HHAT: variants seen among roughly 807,000 people sequenced by gnomAD.
The protein encoded by HHAT is protein-cysteine N-palmitoyltransferase HHAT.
Under a neutral mutation model 70.8 loss-of-function variants are expected in HHAT, and 47 were observed. The observed-to-expected ratio is 0.66, with a 90% CI of 0.53 to 0.85. HHAT has a LOEUF of 0.85. Ranked by LOEUF, HHAT falls within the 40% of genes least tolerant of loss-of-function variation. The probability of loss-of-function intolerance (pLI) is 0.00; values close to 1 mark genes in which losing one functional copy is unlikely to be tolerated. For missense variants in HHAT, 609 were observed against 604.8 expected, an observed-to-expected ratio of 1.01 and a Z score of -0.07; for synonymous variants, 228 against 247.6, an observed-to-expected ratio of 0.92 and a Z score of 0.74.
intron 10 of HHAT, among the ~76,000 whole-genome samples, chr1:210,598,830 A>G (rs1573618331): frequency 6.6e-6 from 1 of 152,208 alleles, no homozygotes; most frequent in Non-Finnish European, 1.5e-5. Flanking sequence ...GTGAGTTTTT[A>G]TGTGTAGCTA....
At chr1:210,522,770 C>G (rs189216548) in intron 9 of HHAT, among the ~76,000 whole-genome samples, 118 of 151,866 alleles carry the variant, frequency 7.8e-4, no homozygotes, top group African/African-American at 2.8e-3. Context: ...TTGCCCCCCA[C>G]CCCCCAATCC....
intron 10 of HHAT, chr1:210,589,559 C>T (rs1661204557): frequency 6.6e-6 from 1 of 152,216 alleles, no homozygotes; most frequent in African/African-American, 2.4e-5. Context: ...TCTTTTCAGC[C>T]CAGTCTGTAG....
chr1:210,531,212 CT>C (rs2095311249), intron 9 of HHAT, among the ~76,000 whole-genome samples: 1 of 152,202 alleles, frequency 6.6e-6, no homozygotes, highest in Non-Finnish European at 1.5e-5. Context: ...GTATTATAAT[CT>C]TATGAGACCA....
At chr1:210,644,000 TCCTCTGGCCCA>T (rs1160101152) in intron 11 of HHAT, among the ~76,000 whole-genome samples, 1 of 151,964 alleles carries the variant, frequency 6.6e-6, no homozygotes, top group Non-Finnish European at 1.5e-5. Context: ...AATTTGGAGG[TCCTCTGGCCCA>T]CCTCTCTCCC....
At chr1:210,497,353 T>G (rs1171249146) in intron 8 of HHAT, among the ~76,000 whole-genome samples, 1 of 152,230 alleles carries the variant, frequency 6.6e-6, no homozygotes, top group African/African-American at 2.4e-5. Context: ...TTTGAAGTGC[T>G]AATAGATCCT....
At position 210,358,479 on chromosome 1, in the gene HHAT, G is replaced by C. The variant is rs183088317; in HGVS notation, c.92-4373G>C. ...TGGAAATTGGAAGAGGAAAGAAGGA[G>C]CCCCTAGGCCTCCAGAGTGTCATGA... On this transcript the variant is annotated intron_variant, in intron 2 of 11. Coordinates refer to ENST00000261458, the MANE Select transcript of HHAT (RefSeq NM_018194.6). Among the ~76,000 whole-genome samples the C allele has an allele frequency of 2.0e-5, 3 of 152,298 alleles. No homozygotes were observed. In the East Asian group the frequency reaches 5.8e-4, roughly 29 times the overall value.
chr1:210,425,612 G>A (rs189876063), intron 7 of HHAT, among the ~76,000 whole-genome samples: 1 of 152,044 alleles, frequency 6.6e-6, no homozygotes, highest in East Asian at 1.9e-4. Context: ...TTTCCCCATT[G>A]CTTGTTTTTG....
At chr1:210,460,870 T>C (rs1023624554) in intron 7 of HHAT, among the ~76,000 whole-genome samples, 18 of 152,206 alleles carry the variant, frequency 1.2e-4, no homozygotes, top group African/African-American at 4.1e-4. Flanking sequence ...CTATTTCTCA[T>C]AGGACATAAC....
chr1:210,473,186 T>C (rs752041757), intron 8 of HHAT, among the ~76,000 whole-genome samples: 4 of 152,200 alleles, frequency 2.6e-5, no homozygotes, highest in Non-Finnish European at 4.4e-5. Context: ...TAAAATACTT[T>C]AATTTCTTTC....
intron 2 of HHAT, among the ~76,000 whole-genome samples, chr1:210,359,623 T>TA (rs893987013): frequency 6.6e-6 from 1 of 151,986 alleles, no homozygotes; most frequent in Non-Finnish European, 1.5e-5. Flanking sequence ...AAATTATCCT[T>TA]AAAAAACCCC....
rs1049037029 is a variant in HHAT, at chr1:210,328,905, C to T, written c.-243C>T. On this transcript the variant is annotated 5_prime_UTR_variant, in exon 1 of 12. Transcript: ENST00000261458. The stretch of plus-strand genomic sequence containing the variant: ...AGTCCGGGCGCGGAGGGCGCGCGGG[C>T]ACGGCGGCAGGGGCGTGCTCGGAGG... The T allele has an allele frequency of 5.0e-6, 4 of 805,386 alleles. No individual in the cohort carries two copies. The African/African-American group carries it at 7.1e-5, about 14-fold the overall frequency. 49.9% of individuals were successfully genotyped at this position (805,386 alleles called of 1,614,324 possible). A position where few individuals can be genotyped will look rare whatever the true frequency, so the allele number is the denominator to read the frequency against.
rs548411731 is a variant in HHAT at position 210,429,168 on chromosome 1, C to G, written c.856+10843C>G. On this transcript the variant is annotated intron_variant, in intron 7 of 11. Transcript: ENST00000261458. ...GTTTGAAGGAATTATATAACAAACA[C>G]AATGGATCTACCATGTAGATCCAAC... Among the ~76,000 whole-genome samples the G allele has an allele frequency of 5.9e-5, 9 of 151,856 alleles. No individual in the cohort carries two copies. The South Asian group carries it at 1.9e-3, about 31-fold the overall frequency.
intron 6 of HHAT, among the ~76,000 whole-genome samples, chr1:210,413,428 T>G (rs2092623876): frequency 6.6e-6 from 1 of 152,242 alleles, no homozygotes; most frequent in Non-Finnish European, 1.5e-5. Flanking sequence ...CTTGATAGTA[T>G]GGAAAGGCTG....
chr1:210,361,111 G>C (rs528111647), intron 2 of HHAT, among the ~76,000 whole-genome samples: 1 of 152,150 alleles, frequency 6.6e-6, no homozygotes, highest in Non-Finnish European at 1.5e-5. Flanking sequence ...TTTTAATCCC[G>C]TGTAACTCTG....
At chr1:210,540,444 T>TACACACAC (rs5780588) in intron 9 of HHAT, among the ~76,000 whole-genome samples, 1 of 148,274 alleles carries the variant, frequency 6.7e-6, no homozygotes, top group Admixed American at 6.7e-5. Context: ...TTTTCCCTCT[T>TACACACAC]ACACACACAC....
intron 9 of HHAT, among the ~76,000 whole-genome samples, chr1:210,560,471 G>A (rs1487207119): frequency 6.6e-6 from 1 of 151,966 alleles, no homozygotes; most frequent in Non-Finnish European, 1.5e-5. Flanking sequence ...GCACTTACCT[G>A]TAAGTTAAAA....
At chr1:210,662,128 T>C (rs921582662) in intron 11 of HHAT, among the ~76,000 whole-genome samples, 4 of 152,238 alleles carry the variant, frequency 2.6e-5, no homozygotes, top group Admixed American at 2.6e-4. Flanking sequence ...TTGTTGTCAC[T>C]GAGCCTTTTG....
intron 3 of HHAT, among the ~76,000 whole-genome samples, chr1:210,384,356 A>G (rs921674850): frequency 2.6e-4 from 40 of 152,204 alleles, no homozygotes; most frequent in African/African-American, 9.4e-4. Context: ...CTGCCTGGGA[A>G]TGGTACGGGG....
At chr1:210,519,624 C>T (rs1039553261) in intron 9 of HHAT, among the ~76,000 whole-genome samples, 4 of 149,170 alleles carry the variant, frequency 2.7e-5, no homozygotes, top group Non-Finnish European at 4.4e-5. Context: ...ACCTCCTGGA[C>T]TCAAGCAATC....
Sources: allele counts gnomAD v4.1 joint callset (sites outside exome capture counted in the v4.1 genomes callset), GRCh38; gene constraint gnomAD v4.1.1; transcripts MANE v1.5; gene names NCBI Gene and HGNC (gene_info 2026-07-23, HGNC 2026-07-21).